SEMA3E: variants seen among roughly 807,000 people sequenced by gnomAD.
SEMA3E encodes the protein semaphorin-3E.
In SEMA3E, 49 loss-of-function variants were observed where a neutral mutation model predicts 93.6. The observed-to-expected ratio is 0.52, with a 90% CI of 0.42 to 0.66. The LOEUF is 0.66. SEMA3E is among the 30% of genes least tolerant of loss of function. The pLI is 0.00. For synonymous variants in SEMA3E, 363 were observed against 330.7 expected (o/e 1.10, Z -1.06); for missense variants, 906 against 964.8 (o/e 0.94, Z 0.81).
intron 1 of SEMA3E, among the ~76,000 whole-genome samples, chr7:83,571,248 A>C (rs1792280265): frequency 6.6e-6 from 1 of 152,170 alleles, no homozygotes; most frequent in African/African-American, 2.4e-5. Context: ...CTGATGCCAA[A>C]ATCTGCCAGA....
intron 6 of SEMA3E, among the ~76,000 whole-genome samples, 161 bp from the exon 7 acceptor site, chr7:83,407,400 T>TATGTTG (rs1420817602): frequency 6.6e-6 from 1 of 152,202 alleles, no homozygotes; most frequent in Non-Finnish European, 1.5e-5. Flanking sequence ...CATTAAAAAC[T>TATGTTG]ATGTTGATAT....
chr7:83,624,369 C>T (rs575171839), intron 1 of SEMA3E, among the ~76,000 whole-genome samples: 3 of 152,308 alleles, frequency 2.0e-5, no homozygotes, highest in African/African-American at 7.2e-5. Context: ...TATTACTCCA[C>T]ATCCTCTCTA....
intron 1 of SEMA3E, among the ~76,000 whole-genome samples, chr7:83,531,604 T>C (rs62477036): frequency 0.53 from 80,044 of 151,810 alleles, 23,458 homozygotes; most frequent in Middle Eastern, 0.69. Context: ...CTGCCCACTT[T>C]GGCCTCCCAA....
intron 1 of SEMA3E, among the ~76,000 whole-genome samples, chr7:83,559,735 A>T (rs1256637594): frequency 6.6e-6 from 1 of 152,076 alleles, no homozygotes; most frequent in Non-Finnish European, 1.5e-5. Context: ...ACACAAAGGA[A>T]CTGAAAATGT....
chr7:83,548,004 A>C (rs562505595), intron 1 of SEMA3E, among the ~76,000 whole-genome samples: 1 of 152,222 alleles, frequency 6.6e-6, no homozygotes, highest in South Asian at 2.1e-4. Flanking sequence ...CCTCAGTAGA[A>C]TATCCTCTTC....
intron 1 of SEMA3E, among the ~76,000 whole-genome samples, chr7:83,504,068 C>T (rs1424453340): frequency 6.6e-6 from 1 of 152,078 alleles, no homozygotes; most frequent in Non-Finnish European, 1.5e-5. Flanking sequence ...ACACGGTTTC[C>T]AGATACACCA....
intron 2 of SEMA3E, among the ~76,000 whole-genome samples, chr7:83,484,244 T>C (rs2115954442): frequency 6.6e-6 from 1 of 152,276 alleles, no homozygotes; most frequent in South Asian, 2.1e-4. Flanking sequence ...AATTTTTTCC[T>C]CTCTAAATTC....
chr7:83,523,459 TCA>T (rs1271888687), intron 1 of SEMA3E, among the ~76,000 whole-genome samples: 7 of 152,096 alleles, frequency 4.6e-5, no homozygotes, highest in African/African-American at 1.7e-4. Context: ...TTTTTCAGTC[TCA>T]CCAATCCATG....
intron 1 of SEMA3E, among the ~76,000 whole-genome samples, chr7:83,520,852 A>G (rs1362074523): frequency 6.6e-6 from 1 of 152,166 alleles, no homozygotes; most frequent in African/African-American, 2.4e-5. Flanking sequence ...AGTTAAAGAT[A>G]CCTGCCCTAG....
At chr7:83,566,763 C>A (rs900787013) in intron 1 of SEMA3E, among the ~76,000 whole-genome samples, 2 of 152,030 alleles carry the variant, frequency 1.3e-5, no homozygotes, top group African/African-American at 4.8e-5. Flanking sequence ...AGTTTAAAAC[C>A]CACTGCCAGA....
At chr7:83,375,873 A>G (rs1794815698) in intron 16 of SEMA3E, among the ~76,000 whole-genome samples, 1 of 152,074 alleles carries the variant, frequency 6.6e-6, no homozygotes, top group African/African-American at 2.4e-5. Context: ...TATATTCTCC[A>G]TTTATACAAT....
chr7:83,607,730 G>GGAAT (rs1793157905), intron 1 of SEMA3E, among the ~76,000 whole-genome samples: 1 of 152,098 alleles, frequency 6.6e-6, no homozygotes, highest in Non-Finnish European at 1.5e-5. Flanking sequence ...AAGGAAGGAA[G>GGAAT]ACAAAAGAAT....
chr7:83,595,132 T>C (rs144243359), intron 1 of SEMA3E, among the ~76,000 whole-genome samples: 1 of 152,200 alleles, frequency 6.6e-6, no homozygotes, highest in East Asian at 1.9e-4. Context: ...AGAGTCATGT[T>C]TGAATGACAT....
In SEMA3E at chr7:83,577,303, C is replaced by T. The variant is rs114774693; in HGVS notation, c.115+71125G>A. On this transcript the variant is annotated intron_variant, in intron 1 of 16. Coordinates refer to ENST00000643230, the MANE Select transcript of SEMA3E (RefSeq NM_012431.3). ...CAAAAATTTGGACAGTTTTGAAAAG[C>T]GTATGTTGCATGTTTTCCCTTCGTT... Among the ~76,000 whole-genome samples, 271 of 152,202 alleles carry T rather than the reference C, an allele frequency of 1.8e-3. 1 individual carries two copies. Among genetic ancestry groups the T allele is most frequent in the African/African-American group, 6.3e-3 (261 of 41,534 alleles).
intron 4 of SEMA3E, among the ~76,000 whole-genome samples, chr7:83,420,862 T>A (rs1238291141): frequency 2.0e-5 from 2 of 98,982 alleles, no homozygotes; most frequent in African/African-American, 3.2e-5. Flanking sequence ...CCTCTAACTA[T>A]AAGAATCCTA....
chr7:83,460,210 C>T (rs375076609), intron 4 of SEMA3E, among the ~76,000 whole-genome samples: 6 of 152,166 alleles, frequency 3.9e-5, no homozygotes, highest in Non-Finnish European at 8.8e-5. Context: ...GATCCACCTA[C>T]GACCTCAGGT....
chr7:83,392,749 C>G (rs770043040), intron 13 of SEMA3E, 28 bp from the exon 14 acceptor site: 2 of 1,608,468 alleles, frequency 1.2e-6, no homozygotes, highest in Admixed American at 3.3e-5. Context: ...AGGTCACTAG[C>G]AGAAATGGAC....
intron 16 of SEMA3E, among the ~76,000 whole-genome samples, chr7:83,384,552 C>G (rs1439747679): frequency 1.3e-5 from 2 of 151,972 alleles, no homozygotes; most frequent in Non-Finnish European, 2.9e-5. Flanking sequence ...GAGTTCAAAG[C>G]CTACATCACC....
At chr7:83,638,812 G>T (rs1385865338) in intron 1 of SEMA3E, among the ~76,000 whole-genome samples, 1 of 152,042 alleles carries the variant, frequency 6.6e-6, no homozygotes, top group African/African-American at 2.4e-5. Flanking sequence ...CACAGGACTT[G>T]TTAAAACAGA....
Sources: allele counts gnomAD v4.1 joint callset (sites outside exome capture counted in the v4.1 genomes callset), GRCh38; gene constraint gnomAD v4.1.1; transcripts MANE v1.5; gene names NCBI Gene and HGNC (gene_info 2026-07-23, HGNC 2026-07-21).